KIAA0408: variants seen among roughly 807,000 people sequenced by gnomAD.
KIAA0408 encodes uncharacterized protein KIAA0408.
Under a neutral mutation model 60.9 loss-of-function variants are expected in KIAA0408, and 51 were observed. That is an observed-to-expected ratio of 0.84 (90% CI 0.67 to 1.06). The LOEUF (loss-of-function observed/expected upper bound fraction) is 1.06, where lower values mean the gene tolerates loss of function less well. KIAA0408 is among the 50% of genes least tolerant of loss of function. The probability of loss-of-function intolerance (pLI) is 0.00; values close to 1 mark genes in which losing one functional copy is unlikely to be tolerated. For synonymous variants in KIAA0408, 304 were observed against 282.4 expected, an observed-to-expected ratio of 1.08 and a Z score of -0.77; for missense variants, 787 against 833.9, an observed-to-expected ratio of 0.94 and a Z score of 0.69.
At chr6:127,453,810 A>G in intron 2 of KIAA0408, 37 bp downstream of exon 2, 1 of 1,593,804 alleles carries the variant, frequency 6.3e-7, no homozygotes, top group Non-Finnish European at 8.5e-7. Flanking sequence ...TCCTGCACTT[A>G]AACATTACAG....
chr6:127,444,443 A>T (rs1311033543), intron 5 of KIAA0408, among the ~76,000 whole-genome samples, 161 bp from the exon 6 acceptor site: 1 of 152,200 alleles, frequency 6.6e-6, no homozygotes, highest in Non-Finnish European at 1.5e-5. Context: ...GTGGTTTTGA[A>T]TGTTTTAAAG....
At chr6:127,453,355 C>T (rs1312033477) in intron 2 of KIAA0408, among the ~76,000 whole-genome samples, 2 of 151,924 alleles carry the variant, frequency 1.3e-5, no homozygotes, top group African/African-American at 4.8e-5. Context: ...CTCATGTCTA[C>T]TGCCATTTTC....
intron 4 of KIAA0408, among the ~76,000 whole-genome samples, chr6:127,449,458 T>G (rs1773259918): frequency 6.6e-6 from 1 of 152,116 alleles, no homozygotes; most frequent in African/African-American, 2.4e-5. Context: ...GAGACCATGC[T>G]GGCCAACATG....
Position 127,454,067 on chromosome 6 carries a change from A to C in KIAA0408, c.-86T>G. On this transcript the variant is annotated 5_prime_UTR_variant, in exon 2 of 6. Transcript: ENST00000483725. ...TTTCTTGGAAGCTTGAAGTTGTTTT[A>C]TTTGAAGCAGTCTCACTTGCCTTTA... 6.7e-7 allele frequency: 1 copy of C among 1,482,512 alleles called. No individual in the cohort carries two copies. Among genetic ancestry groups the C allele is most frequent in the Non-Finnish European group, 8.9e-7 (1 of 1,117,872 alleles). The allele number at this position is 1,482,512 out of a possible 1,614,324, so 91.8% of individuals were successfully genotyped here. A position where few individuals can be genotyped will look rare whatever the true frequency, so the allele number is the denominator to read the frequency against.
At chr6:127,454,790 C>A (rs1314316241) in intron 1 of KIAA0408, among the ~76,000 whole-genome samples, 1 of 152,028 alleles carries the variant, frequency 6.6e-6, no homozygotes, top group East Asian at 1.9e-4. Flanking sequence ...AGGCTATATA[C>A]CATAAACTGC....
At chr6:127,451,252 A>G (rs1445919307) in intron 2 of KIAA0408, 1 of 454,484 alleles carries the variant, frequency 2.2e-6, no homozygotes, top group Non-Finnish European at 4.4e-6. Context: ...TTCAAGTAAT[A>G]TAATAGATTT....
rs116855345 is a variant in KIAA0408, at chr6:127,448,298, T to C, written c.579-558A>G. ...TTTTGGATGACTTGAGTAAAAGGCA[T>C]ATAGGATTGAAGTAAAAGGCAAAAG... On this transcript the variant is annotated intron_variant, in intron 4 of 5. Coordinates refer to ENST00000483725, the MANE Select transcript of KIAA0408 (RefSeq NM_014702.5). Among the ~76,000 whole-genome samples, 96 of 152,186 alleles carry C rather than the reference T, an allele frequency of 6.3e-4. 1 individual carries two copies. The East Asian group carries it at 0.017, about 27-fold the overall frequency.
rs146166315 is a variant in KIAA0408, at chr6:127,457,462, G to A, written c.-121+1713C>T. ...GCATCCCCTACCCCATATCTCTTTG[G>A]CTCTCCAGTTTATGTTCTTCCTTCT... is the stretch of plus-strand genomic sequence containing the variant. On this transcript the variant is annotated intron_variant, in intron 1 of 5. Coordinates refer to ENST00000483725, the MANE Select transcript of KIAA0408 (RefSeq NM_014702.5). 4.5e-4 allele frequency among the ~76,000 whole-genome samples: 69 copies of A among 152,246 alleles called. No individual in the cohort carries two copies. The East Asian group carries it at 0.012, about 27-fold the overall frequency.
chr6:127,440,704 A>AC lies in KIAA0408; in HGVS notation c.*3404_*3405insG, dbSNP rs1773093991. ...AAGCAAATAGTACTGTAATAAAAAA[A>AC]TCTGATTTTCCTGAAAATGGTTTAA... On this transcript the variant is annotated 3_prime_UTR_variant, in exon 6 of 6. Transcript: ENST00000483725. 1 of 152,002 alleles carries AC rather than the reference A, an allele frequency of 6.6e-6. No homozygotes were observed. Among genetic ancestry groups the AC allele is most frequent in the Admixed American group, 6.6e-5 (1 of 15,258 alleles). The allele number at this position is 152,002 out of a possible 1,614,324, so 9.4% of individuals were successfully genotyped here.
In KIAA0408 at chr6:127,447,421, G is replaced by A. The variant is rs76263788; in HGVS notation, c.898C>T (p.Pro300Ser). 1.2e-3 allele frequency: 1,861 copies of A among 1,613,788 alleles called. 11 individuals carry two copies. In the East Asian group the frequency reaches 0.013, roughly 11 times the overall value. ...KERLDHNSWVPHEGRSKRNYN... is the reference protein window; with the variant it reads ...KERLDHNSWVSHEGRSKRNYN... ...TTCCTTTTACTTCGACCCTCATGGGGCACCCAGCTGTTGTGGTCTAACCTT... is the reference window on the plus strand; with the variant it reads ...TTCCTTTTACTTCGACCCTCATGGGACACCCAGCTGTTGTGGTCTAACCTT... Residue 300 changes from proline to serine, a missense_variant, in exon 5 of 6, where the codon CCC becomes TCC. By Grantham distance (74) the Pro-to-Ser change is moderately conservative. Transcript: ENST00000483725.
At chr6:127,458,819 A>T (rs562840567) in intron 1 of KIAA0408, among the ~76,000 whole-genome samples, 81 of 140,160 alleles carry the variant, frequency 5.8e-4, no homozygotes, top group Admixed American at 1.6e-3. Flanking sequence ...TTATATGAAT[A>T]AAAAAAATCA....
chr6:127,452,787 G>GGGT (rs1773323644), intron 2 of KIAA0408, among the ~76,000 whole-genome samples: 2 of 152,046 alleles, frequency 1.3e-5, no homozygotes, highest in Non-Finnish European at 2.9e-5. Flanking sequence ...GATCCAATCC[G>GGGT]AGTATGGGTA....
chr6:127,445,926 T>C (rs927143587), intron 5 of KIAA0408, among the ~76,000 whole-genome samples: 2 of 152,154 alleles, frequency 1.3e-5, no homozygotes, highest in African/African-American at 4.8e-5. Flanking sequence ...ATGATGTGTA[T>C]TTCCCATATT....
intron 2 of KIAA0408, 79 bp from the exon 3 acceptor site, chr6:127,450,431 GCTTTGAGTTCT>G: frequency 6.8e-7 from 1 of 1,467,342 alleles, no homozygotes; most frequent in Non-Finnish European, 8.9e-7. Flanking sequence ...TAAGCAAACC[GCTTTGAGTTCT>G]CTTTGCCATA....
At chr6:127,456,753 C>T (rs1230645667) in intron 1 of KIAA0408, among the ~76,000 whole-genome samples, 4 of 148,818 alleles carry the variant, frequency 2.7e-5, no homozygotes, top group Non-Finnish European at 5.9e-5. Flanking sequence ...CGCAGCCAAA[C>T]ATATTGCTTC....
intron 1 of KIAA0408, among the ~76,000 whole-genome samples, chr6:127,454,742 TAC>T (rs1306577211): frequency 6.6e-6 from 1 of 152,116 alleles, no homozygotes; most frequent in Non-Finnish European, 1.5e-5. Context: ...CTGTGAAATA[TAC>T]GTTAAAATTT....
intron 1 of KIAA0408, among the ~76,000 whole-genome samples, chr6:127,454,615 C>A (rs534641683): frequency 5.3e-5 from 8 of 152,164 alleles, no homozygotes; most frequent in African/African-American, 1.9e-4. Flanking sequence ...CTTATGAAGA[C>A]CCCAAAGTTG....
rs769735109 is a variant in KIAA0408, at chr6:127,450,336, T to A, written c.152A>T (p.Lys51Met). The part of the protein sequence containing the change: ...KKIEELCREV[K>M]LWRKININES... ...ATTGATATTGATTTTCCTCCAAAGC[T>A]TTACTTCCCGGCAAAGCTGTAAGAA... Residue 51 changes from lysine (K) to methionine (M), a missense_variant, in exon 3 of 6, where the codon AAG becomes ATG. Lys to Met is a moderately conservative substitution (Grantham distance 95). Coordinates refer to ENST00000483725, the MANE Select transcript of KIAA0408 (RefSeq NM_014702.5). 1 of 1,595,232 alleles carries A rather than the reference T, an allele frequency of 6.3e-7. No individual in the cohort carries two copies. The highest frequency in any genetic ancestry group is 2.2e-5 in the East Asian group (1 of 44,736).
In KIAA0408 at chr6:127,442,961, A is replaced by C. The variant is rs1773129646; in HGVS notation, c.*1148T>G. On this transcript the variant is annotated 3_prime_UTR_variant, in exon 6 of 6. Coordinates refer to ENST00000483725, the MANE Select transcript of KIAA0408 (RefSeq NM_014702.5). ...AATACACATTTCTATTCCTGATGCT[A>C]CTGTGGATGTCAAGGTTTAGTTTAA... 6.6e-6 allele frequency: 1 copy of C among 152,160 alleles called. No individual in the cohort carries two copies. Among genetic ancestry groups the C allele is most frequent in the Non-Finnish European group, 1.5e-5 (1 of 68,006 alleles). 9.4% of individuals were successfully genotyped at this position (152,160 alleles called of 1,614,324 possible). A position where few individuals can be genotyped will look rare whatever the true frequency, so the allele number is the denominator to read the frequency against.
Sources: allele counts gnomAD v4.1 joint callset (sites outside exome capture counted in the v4.1 genomes callset), GRCh38; gene constraint gnomAD v4.1.1; transcripts MANE v1.5; gene names NCBI Gene and HGNC (gene_info 2026-07-23, HGNC 2026-07-21).